CAMK4: variants seen among roughly 807,000 people sequenced by gnomAD.
CAMK4 encodes the protein calcium/calmodulin-dependent protein kinase type IV.
A neutral mutation model predicts 44.9 loss-of-function variants in CAMK4; 22 were observed. The observed-to-expected ratio is 0.49, with a 90% CI of 0.35 to 0.70. The LOEUF is 0.70. CAMK4 is among the 30% of genes least tolerant of loss of function. The pLI is 0.01. For synonymous variants in CAMK4, 218 were observed against 215.4 expected (o/e 1.01, Z -0.11); for missense variants, 498 against 586.8 (o/e 0.85, Z 1.56).
At chr5:111,406,214 C>G (rs1440196451) in intron 5 of CAMK4, among the ~76,000 whole-genome samples, 2 of 150,918 alleles carry the variant, frequency 1.3e-5, no homozygotes, top group African/African-American at 4.9e-5. Context: ...CTCTCTCTCT[C>G]TCTCTCTCTC....
chr5:111,376,836 T>A, intron 3 of CAMK4, 24 bp from the exon 4 acceptor site: 1 of 1,384,696 alleles, frequency 7.2e-7, no homozygotes, highest in Non-Finnish European at 1.0e-6. Context: ...TTTGTGATAT[T>A]CTTTTTTTTA....
intron 5 of CAMK4, among the ~76,000 whole-genome samples, chr5:111,400,893 T>C (rs1322211376): frequency 6.6e-6 from 1 of 152,148 alleles, no homozygotes; most frequent in East Asian, 1.9e-4. Flanking sequence ...TAGGGAATAT[T>C]CCCTCTCCTC....
In CAMK4 at chr5:111,493,342, A is replaced by AAAAC. The variant is rs1326396817; in HGVS notation, c.*8878_*8881dup. On this transcript the variant is annotated 3_prime_UTR_variant, in exon 11 of 11. Coordinates refer to ENST00000282356, the MANE Select transcript of CAMK4 (RefSeq NM_001744.6). The surrounding 1 kb of genome is among the most constrained non-coding windows in gnomAD (Gnocchi z 4.1). ...CTGAATTGGCCAGGTCTCCACTGAC[A>AAAAC]AAACAGAGTAAATGATAGTATGACA... 1.3e-5 allele frequency: 2 copies of AAAAC among 152,204 alleles called. No individual in the cohort carries two copies. Among genetic ancestry groups the AAAAC allele is most frequent in the Non-Finnish European group, 2.9e-5 (2 of 68,044 alleles). 9.4% of individuals were successfully genotyped at this position (152,204 alleles called of 1,614,324 possible).
Position 111,387,976 on chromosome 5 carries a change from G to A in CAMK4, c.387-6734G>A, listed in dbSNP as rs546435540. 1.1e-4 allele frequency among the ~76,000 whole-genome samples: 17 copies of A among 152,242 alleles called. 1 individual carries two copies. In the South Asian group the frequency reaches 3.5e-3, roughly 32 times the overall value. On this transcript the variant is annotated intron_variant, in intron 4 of 10. Coordinates refer to ENST00000282356, the MANE Select transcript of CAMK4 (RefSeq NM_001744.6). Reference sequence around the variant, plus strand: ...TTTATGACTTGAGTTCATTGCTATTGAACTTTTCAGTCAGCCATGGATAGC... The same window carrying A: ...TTTATGACTTGAGTTCATTGCTATTAAACTTTTCAGTCAGCCATGGATAGC...
At chr5:111,451,706 C>T (rs931508998) in intron 7 of CAMK4, among the ~76,000 whole-genome samples, 11 of 151,758 alleles carry the variant, frequency 7.2e-5, no homozygotes, top group Non-Finnish European at 1.0e-4. Flanking sequence ...GAATTCAAGA[C>T]GAGCCTGGCC....
intron 1 of CAMK4, among the ~76,000 whole-genome samples, chr5:111,288,910 A>G (rs186981029): frequency 4.1e-4 from 62 of 152,368 alleles, no homozygotes; most frequent in Admixed American, 3.5e-3. Context: ...GAAAGGGGAA[A>G]TATTTATCAG....
intron 1 of CAMK4, among the ~76,000 whole-genome samples, chr5:111,288,046 A>G (rs78005999): frequency 0.054 from 8,295 of 152,220 alleles, 556 homozygotes; most frequent in East Asian, 0.21. Context: ...CCTGTTTTGA[A>G]TTTTATATAA....
At chr5:111,371,580 T>C (rs1158896678) in intron 2 of CAMK4, among the ~76,000 whole-genome samples, 1 of 152,192 alleles carries the variant, frequency 6.6e-6, no homozygotes, top group East Asian at 1.9e-4. Flanking sequence ...AAACCTATTT[T>C]AGACCCATCC....
At chr5:111,473,687 C>T (rs1280630074) in intron 8 of CAMK4, among the ~76,000 whole-genome samples, 2 of 152,126 alleles carry the variant, frequency 1.3e-5, no homozygotes, top group African/African-American at 4.8e-5. Flanking sequence ...GAGCCCAAGA[C>T]CAGCTGTGTA....
In CAMK4 at chr5:111,336,491, G is replaced by GA. The variant is rs1398803971; in HGVS notation, c.162-7530dup. ...TTAATAATATAGGTTATTTTTTTGAGAAACTGTTGAATTGTTATTTCCACA... is the reference window on the plus strand; with the variant it reads ...TTAATAATATAGGTTATTTTTTTGAGAAAACTGTTGAATTGTTATTTCCACA... On this transcript the variant is annotated intron_variant, in intron 1 of 10. Transcript: ENST00000282356. Among the ~76,000 whole-genome samples, 915 of 150,730 alleles carry GA rather than the reference G, an allele frequency of 6.1e-3. 5 individuals are homozygous for GA. The highest frequency in any genetic ancestry group is 0.021 in the African/African-American group (885 of 41,282).
intron 1 of CAMK4, among the ~76,000 whole-genome samples, chr5:111,300,896 T>C (rs1343009422): frequency 6.6e-6 from 1 of 152,236 alleles, no homozygotes; most frequent in Non-Finnish European, 1.5e-5. Flanking sequence ...GGGAAAAAAC[T>C]TGAAAATCAA....
intron 5 of CAMK4, among the ~76,000 whole-genome samples, chr5:111,442,791 ATAATAT>A (rs1374596869): frequency 6.7e-5 from 10 of 148,390 alleles, no homozygotes; most frequent in Non-Finnish European, 1.5e-4. Flanking sequence ...TCTTATTAAC[ATAATAT>A]TAATATATTT....
At chr5:111,457,391 A>G (rs542105124) in intron 7 of CAMK4, among the ~76,000 whole-genome samples, 1 of 152,310 alleles carries the variant, frequency 6.6e-6, no homozygotes, top group African/African-American at 2.4e-5. Flanking sequence ...GAATATTACC[A>G]TTGAAAGTAT....
intron 5 of CAMK4, among the ~76,000 whole-genome samples, chr5:111,404,750 C>T (rs919813124): frequency 1.9e-4 from 29 of 152,252 alleles, no homozygotes; most frequent in Admixed American, 1.6e-3. Flanking sequence ...CCATCATAAC[C>T]AAGAACTCCA....
chr5:111,401,285 T>C (rs1752216152), intron 5 of CAMK4, among the ~76,000 whole-genome samples: 1 of 152,146 alleles, frequency 6.6e-6, no homozygotes, highest in South Asian at 2.1e-4. Context: ...ATTACAGGCA[T>C]GCGACACCAT....
chr5:111,394,805 G>A lies in CAMK4; in HGVS notation c.459+23G>A, dbSNP rs778869667. ...GCTGTAAGTATGAAGTAACAGCAAT[G>A]GTGTAACTCTTAGTCATCTCTTCCT... On this transcript the variant is annotated intron_variant, in intron 5 of 10. Coordinates refer to ENST00000282356, the MANE Select transcript of CAMK4 (RefSeq NM_001744.6). 7.6e-6 allele frequency: 11 copies of A among 1,454,346 alleles called. No homozygotes were observed. In the African/African-American group the frequency reaches 1.4e-4, roughly 18 times the overall value. The allele number at this position is 1,454,346 out of a possible 1,614,324, so 90.1% of individuals were successfully genotyped here. A position where few individuals can be genotyped will look rare whatever the true frequency, so the allele number is the denominator to read the frequency against.
At chr5:111,300,209 T>A (rs1347746467) in intron 1 of CAMK4, among the ~76,000 whole-genome samples, 1 of 152,214 alleles carries the variant, frequency 6.6e-6, no homozygotes, top group Admixed American at 6.5e-5. Flanking sequence ...TGGGGCTTCT[T>A]TGCTCATAAG....
intron 1 of CAMK4, among the ~76,000 whole-genome samples, chr5:111,228,722 T>C (rs952497579): frequency 6.6e-6 from 1 of 152,214 alleles, no homozygotes; most frequent in Non-Finnish European, 1.5e-5. Flanking sequence ...AGTGCTGTTG[T>C]AGGCCATAAA....
intron 5 of CAMK4, among the ~76,000 whole-genome samples, chr5:111,425,025 A>C (rs1753171575): frequency 6.6e-6 from 1 of 151,976 alleles, no homozygotes; most frequent in East Asian, 2.0e-4. Context: ...TTAGCTGGGC[A>C]TGGTGGCATG....
Sources: gnomAD v4.1 joint callset for allele counts (sites outside exome capture counted in the v4.1 genomes callset) on GRCh38, gnomAD v4.1.1 for gene constraint, Gnocchi (gnomAD v3.1) non-coding constraint, MANE v1.5 for transcripts, NCBI Gene and HGNC (gene_info 2026-07-23, HGNC 2026-07-21) for gene names.